Variants in NDST3 observed in about 807,000 individuals in gnomAD.
The protein encoded by NDST3 is bifunctional heparan sulfate N-deacetylase/N-sulfotransferase 3.
Under a neutral mutation model 96.1 loss-of-function variants are expected in NDST3, and 58 were observed. That is an observed-to-expected ratio of 0.60 (90% CI 0.49 to 0.75). The LOEUF (loss-of-function observed/expected upper bound fraction) is 0.75. Among genes scored for constraint, NDST3 ranks in the 30% least tolerant of loss-of-function variants. The pLI, the probability that NDST3 is intolerant of heterozygous loss-of-function variation, is 0.00. For missense variants in NDST3, 788 were observed against 1,034.2 expected (o/e 0.76, Z 3.27); for synonymous variants, 333 against 359.7 (o/e 0.93, Z 0.84).
chr4:118,092,252 A>G, intron 2 of NDST3, among the ~76,000 whole-genome samples: 1 of 151,364 alleles, frequency 6.6e-6, no homozygotes, highest in East Asian at 1.9e-4. Context: ...AAGGAAACTA[A>G]GATTCGGGAA....
intron 2 of NDST3, among the ~76,000 whole-genome samples, chr4:118,070,910 T>A (rs1384383650): frequency 6.6e-6 from 1 of 152,196 alleles, no homozygotes; most frequent in South Asian, 2.1e-4. Context: ...TGGTTTTTTG[T>A]CCTTGCGATA....
At chr4:118,155,917 G>A (rs578174731) in intron 6 of NDST3, among the ~76,000 whole-genome samples, 4 of 152,248 alleles carry the variant, frequency 2.6e-5, no homozygotes, top group African/African-American at 9.6e-5. Context: ...TTAAGTTGGA[G>A]AAATGAATAT....
At chr4:118,095,436 T>C (rs1729216258) in intron 2 of NDST3, among the ~76,000 whole-genome samples, 1 of 151,808 alleles carries the variant, frequency 6.6e-6, no homozygotes, top group African/African-American at 2.4e-5. Flanking sequence ...TTAAAGTCAG[T>C]GTAAAGAGCA....
chr4:118,106,422 T>A (rs1468243452), intron 3 of NDST3, among the ~76,000 whole-genome samples: 2 of 152,122 alleles, frequency 1.3e-5, no homozygotes, highest in Non-Finnish European at 2.9e-5. Context: ...CACAACTCAC[T>A]GCAGCCTCAA....
chr4:118,191,951 T>C (rs1417903264), intron 6 of NDST3, among the ~76,000 whole-genome samples: 1 of 152,192 alleles, frequency 6.6e-6, no homozygotes, highest in Non-Finnish European at 1.5e-5. Context: ...GCATTTATTA[T>C]TGACTGTCTT....
chr4:118,061,743 G>A (rs909322258), intron 2 of NDST3, among the ~76,000 whole-genome samples: 5 of 151,990 alleles, frequency 3.3e-5, no homozygotes, highest in Non-Finnish European at 5.9e-5. Flanking sequence ...TATATTTGTT[G>A]GATGAATGAA....
chr4:118,039,061 C>A (rs1724302724), intron 1 of NDST3, among the ~76,000 whole-genome samples: 1 of 152,166 alleles, frequency 6.6e-6, no homozygotes. Context: ...CTAATTGCTT[C>A]TTCTGCCTTT....
chr4:118,131,846 A>G (rs969584176), intron 4 of NDST3, among the ~76,000 whole-genome samples: 1 of 152,104 alleles, frequency 6.6e-6, no homozygotes, highest in African/African-American at 2.4e-5. Flanking sequence ...AAGATCTAGA[A>G]GAAGGCTCTG....
chr4:118,054,366 A>G lies in NDST3; in HGVS notation c.456A>G (p.Lys152=), dbSNP rs765677068. 3 of 1,612,908 alleles carry G rather than the reference A, an allele frequency of 1.9e-6. No individual in the cohort carries two copies. Among genetic ancestry groups the G allele is most frequent in the Non-Finnish European group, 2.5e-6 (3 of 1,179,300 alleles). The change falls in exon 2 of 14, where the codon AAA becomes AAG. Residue 152 remains lysine, a synonymous_variant. Transcript: ENST00000296499. ...CCTGGAATCGAAGCCTTCTAGATAAATACTGTGTAGAATATGGTGTGGGTG... is the reference window on the plus strand; with the variant it reads ...CCTGGAATCGAAGCCTTCTAGATAAGTACTGTGTAGAATATGGTGTGGGTG... ...MDSWNRSLLD[K]YCVEYGVGVI... is the part of the protein sequence containing the mutation.
At chr4:118,077,680 C>T (rs1309267059) in intron 2 of NDST3, among the ~76,000 whole-genome samples, 1 of 152,234 alleles carries the variant, frequency 6.6e-6, no homozygotes, top group Non-Finnish European at 1.5e-5. Flanking sequence ...TGGCCTGTGG[C>T]ATCTCATCTC....
At chr4:118,148,885 C>A (rs942341581) in intron 6 of NDST3, among the ~76,000 whole-genome samples, 1 of 152,106 alleles carries the variant, frequency 6.6e-6, no homozygotes, top group African/African-American at 2.4e-5. Flanking sequence ...AAAGTAATTC[C>A]TGGTCTAACG....
At chr4:118,216,721 T>C (rs1309377715) in intron 6 of NDST3, among the ~76,000 whole-genome samples, 1 of 151,876 alleles carries the variant, frequency 6.6e-6, no homozygotes. Flanking sequence ...GAAGCAGAGT[T>C]CAGAAAGAAG....
intron 4 of NDST3, among the ~76,000 whole-genome samples, chr4:118,116,268 T>G (rs1731087791): frequency 6.6e-6 from 1 of 152,074 alleles, no homozygotes; most frequent in Admixed American, 6.6e-5. Flanking sequence ...CTAAATCTGT[T>G]GAGAAAAAGA....
chr4:118,110,119 G>A (rs1220054519), intron 3 of NDST3, among the ~76,000 whole-genome samples: 2 of 152,150 alleles, frequency 1.3e-5, no homozygotes, highest in African/African-American at 4.8e-5. Flanking sequence ...ACTCATCCTT[G>A]ACTAGGGAAG....
At chr4:118,223,405 G>T (rs1337284297) in intron 6 of NDST3, among the ~76,000 whole-genome samples, 1 of 151,982 alleles carries the variant, frequency 6.6e-6, no homozygotes, top group African/African-American at 2.4e-5. Context: ...TGGTCTGCTG[G>T]TACAGACAGC....
rs534830743 is a variant in NDST3 at position 118,227,757 on chromosome 4, G to A, written c.1819+775G>A. Reference sequence around the variant, plus strand: ...CTCCCGAGTAGCTGGGGCTACAGGCGCCTGCCACCATGCCCGGCTAATTTT... The same window carrying A: ...CTCCCGAGTAGCTGGGGCTACAGGCACCTGCCACCATGCCCGGCTAATTTT... On this transcript the variant is annotated intron_variant, in intron 8 of 13. Transcript: ENST00000296499. Among the ~76,000 whole-genome samples, 428 of 152,090 alleles carry A rather than the reference G, an allele frequency of 2.8e-3. 3 individuals are homozygous for A. The highest frequency in any genetic ancestry group is 4.7e-3 in the Non-Finnish European group (317 of 67,972).
intron 4 of NDST3, among the ~76,000 whole-genome samples, chr4:118,134,257 A>G (rs4834665): frequency 0.79 from 119,874 of 152,186 alleles, 49,888 homozygotes; most frequent in South Asian, 0.92. Context: ...GGAGGGTGGC[A>G]CAAGATAAGG....
chr4:118,174,395 C>G (rs1736145175), intron 6 of NDST3, among the ~76,000 whole-genome samples: 1 of 152,118 alleles, frequency 6.6e-6, no homozygotes, highest in Non-Finnish European at 1.5e-5. Flanking sequence ...CAAATGATCC[C>G]TACTTATATT....
chr4:118,233,027 A>G lies in NDST3; in HGVS notation c.1835A>G (p.Tyr612Cys), dbSNP rs1740410219. The G allele has an allele frequency of 6.2e-7, 1 of 1,613,164 alleles. No individual in the cohort carries two copies. Among genetic ancestry groups the G allele is most frequent in the Non-Finnish European group, 8.5e-7 (1 of 1,179,334 alleles). The change falls in exon 9 of 14, where the codon TAT (tyrosine) becomes TGT (cysteine). Residue 612 changes from tyrosine to cysteine, a missense_variant. By Grantham distance (194) the Tyr-to-Cys change is radical. Around this residue, in one of 3 missense-constraint regions of NDST3, gnomAD observed 490 missense variants for 708.8 expected, o/e 0.69. Coordinates refer to ENST00000296499, the MANE Select transcript of NDST3 (RefSeq NM_004784.3). Reference protein sequence around the residue: ...GPQKTGTTALYLFLVMHPSIL... With the variant: ...GPQKTGTTALCLFLVMHPSIL... ...GTCTTTCTAGGTACCACTGCTTTGT[A>G]TTTGTTCCTGGTTATGCATCCTTCC...
Sources: allele counts gnomAD v4.1 joint callset (sites outside exome capture counted in the v4.1 genomes callset), GRCh38; gene constraint gnomAD v4.1.1; regional missense constraint gnomAD v4.1.1; transcripts MANE v1.5; gene names NCBI Gene and HGNC (gene_info 2026-07-23, HGNC 2026-07-21).